Variants in CABLES1 observed in about 807,000 individuals in gnomAD.
CABLES1 encodes the protein Cdk5 and Abl enzyme substrate 1, also known as CDK5 and ABL1 enzyme substrate 1.
In CABLES1, 36 loss-of-function variants were observed where a neutral mutation model predicts 57.8. The ratio of observed to expected loss-of-function variants is 0.62; its 90% CI spans 0.48 to 0.82. The LOEUF (loss-of-function observed/expected upper bound fraction) is 0.82. CABLES1 is among the 40% of genes least tolerant of loss of function. CABLES1 has a pLI of 0.00. For synonymous variants in CABLES1, 374 were observed against 363.0 expected (o/e 1.03, Z -0.35); for missense variants, 767 against 836.6 (o/e 0.92, Z 1.03).
At chr18:23,160,259 A>G (rs1280310926) in intron 1 of CABLES1, among the ~76,000 whole-genome samples, 1 of 151,974 alleles carries the variant, frequency 6.6e-6, no homozygotes, top group Non-Finnish European at 1.5e-5. Flanking sequence ...GGCTGGTCTC[A>G]AACTCCTGAT....
intron 3 of CABLES1, among the ~76,000 whole-genome samples, chr18:23,200,834 G>T (rs774850678): frequency 6.6e-6 from 1 of 152,368 alleles, no homozygotes; most frequent in Non-Finnish European, 1.5e-5. Context: ...AGGGCCGGGT[G>T]ATTGTGAAGC....
chr18:23,138,857 A>G (rs2046839727), intron 1 of CABLES1, among the ~76,000 whole-genome samples: 1 of 152,162 alleles, frequency 6.6e-6, no homozygotes, highest in Non-Finnish European at 1.5e-5. Flanking sequence ...CCATTAGTGG[A>G]ATTCCATAGC....
chr18:23,235,871 C>T, intron 5 of CABLES1, 24 bp from the exon 6 acceptor site: 3 of 1,611,390 alleles, frequency 1.9e-6, no homozygotes, highest in Non-Finnish European at 2.5e-6. Context: ...TAATCACTGG[C>T]CTGTTTTTGT....
intron 7 of CABLES1, among the ~76,000 whole-genome samples, chr18:23,248,919 A>G (rs1452818806): frequency 6.6e-6 from 1 of 152,256 alleles, no homozygotes; most frequent in East Asian, 1.9e-4. Context: ...CATTTCAGGA[A>G]TGATCCACAA....
intron 3 of CABLES1, among the ~76,000 whole-genome samples, chr18:23,210,118 G>C (rs2047394251): frequency 6.6e-6 from 1 of 151,752 alleles, no homozygotes; most frequent in African/African-American, 2.4e-5. Flanking sequence ...AAGATGCTTT[G>C]TCCATGTGGG....
At chr18:23,243,282 A>G (rs1176732930) in intron 7 of CABLES1, among the ~76,000 whole-genome samples, 2 of 151,922 alleles carry the variant, frequency 1.3e-5, no homozygotes, top group South Asian at 2.1e-4. Context: ...TTAGAAGCAC[A>G]GTAGCTCCGC....
intron 4 of CABLES1, 84 bp from the exon 5 acceptor site, chr18:23,234,522 CTG>C (rs1351843143): frequency 4.2e-6 from 4 of 958,068 alleles, no homozygotes; most frequent in Non-Finnish European, 6.6e-6. Flanking sequence ...ATCGGTGTGA[CTG>C]TGTTGTCTCA....
intron 3 of CABLES1, among the ~76,000 whole-genome samples, chr18:23,211,286 G>T (rs1196576255): frequency 2.0e-5 from 3 of 152,216 alleles, no homozygotes; most frequent in African/African-American, 7.2e-5. Flanking sequence ...TAAGCCAGTG[G>T]AGTTTGTTCA....
At chr18:23,243,240 A>AG (rs1433638920) in intron 7 of CABLES1, among the ~76,000 whole-genome samples, 1 of 151,872 alleles carries the variant, frequency 6.6e-6, no homozygotes, top group African/African-American at 2.4e-5. Flanking sequence ...AGTTCTGAGG[A>AG]GGGGGCCTCT....
At chr18:23,161,189 A>T (rs943192546) in intron 1 of CABLES1, among the ~76,000 whole-genome samples, 3 of 152,052 alleles carry the variant, frequency 2.0e-5, no homozygotes, top group Non-Finnish European at 4.4e-5. Context: ...AGCCTGGGTG[A>T]CAGAGGGGAG....
intron 3 of CABLES1, among the ~76,000 whole-genome samples, chr18:23,203,625 C>G (rs926029842): frequency 6.6e-6 from 1 of 152,074 alleles, no homozygotes; most frequent in Non-Finnish European, 1.5e-5. Flanking sequence ...TAAATTAAGA[C>G]CTTGTTTGTG....
intron 7 of CABLES1, among the ~76,000 whole-genome samples, chr18:23,239,785 G>GAC (rs1434260401): frequency 1.3e-5 from 2 of 152,182 alleles, no homozygotes; most frequent in African/African-American, 4.8e-5. Flanking sequence ...TAAACAAGGA[G>GAC]ACAGAGCACC....
rs1272507781 is a variant in CABLES1 at position 23,135,845 on chromosome 18, T to G, written c.83T>G (p.Leu28Trp). The change falls in exon 1 of 10, where the codon TTG becomes TGG. Residue 28 changes from leucine to tryptophan, a missense_variant. Coordinates refer to ENST00000256925, the MANE Select transcript of CABLES1 (RefSeq NM_001100619.3). Reference protein sequence around the residue: ...AGTDAAGASGLQQPPPQPQPQ... With the variant: ...AGTDAAGASGWQQPPPQPQPQ... ...ACCGACGCCGCGGGCGCCAGCGGAT[T>G]GCAGCAGCCGCCGCCGCAGCCCCAG... 1 of 988,482 alleles carries G rather than the reference T, an allele frequency of 1.0e-6. No homozygotes were observed. The highest frequency in any genetic ancestry group is 1.2e-6 in the Non-Finnish European group (1 of 830,202). 61.2% of individuals were successfully genotyped at this position (988,482 alleles called of 1,614,324 possible).
chr18:23,183,681 T>C lies in CABLES1; in HGVS notation c.846-5157T>C, dbSNP rs28440786. ...ATGTCAGTGCATATTACTCTTGCTT[T>C]GAACCCTGCCAGTCTCTTACCATAT... On this transcript the variant is annotated intron_variant, in intron 1 of 9. Transcript: ENST00000256925. Among the ~76,000 whole-genome samples the C allele has an allele frequency of 9.8e-3, 1,493 of 152,336 alleles. 28 individuals carry two copies. The highest frequency in any genetic ancestry group is 0.035 in the African/African-American group (1,436 of 41,572).
chr18:23,259,736 G>T lies in CABLES1; in HGVS notation c.*2369G>T, dbSNP rs1445783296. On this transcript the variant is annotated 3_prime_UTR_variant, in exon 10 of 10. Transcript: ENST00000256925. ...TGACACGGAACATTCCAGACACGTCGCAGCCTTGGGCTTCGGCGAGGAGGA... is the reference window on the plus strand; with the variant it reads ...TGACACGGAACATTCCAGACACGTCTCAGCCTTGGGCTTCGGCGAGGAGGA... 1 of 152,214 alleles carries T rather than the reference G, an allele frequency of 6.6e-6. No individual in the cohort carries two copies. Among genetic ancestry groups the T allele is most frequent in the Non-Finnish European group, 1.5e-5 (1 of 68,054 alleles). The allele number at this position is 152,214 out of a possible 1,614,324, so 9.4% of individuals were successfully genotyped here. A position where few individuals can be genotyped will look rare whatever the true frequency, so the allele number is the denominator to read the frequency against.
At chr18:23,244,913 T>C (rs1200551301) in intron 7 of CABLES1, among the ~76,000 whole-genome samples, 3 of 152,212 alleles carry the variant, frequency 2.0e-5, no homozygotes, top group Admixed American at 6.5e-5. Context: ...CTGGGGAAAC[T>C]TGAAGACAGG....
Position 23,136,470 on chromosome 18 carries a change from T to G in CABLES1, c.708T>G (p.Ser236Arg), listed in dbSNP as rs2144941902. 1 of 1,604,190 alleles carries G rather than the reference T, an allele frequency of 6.2e-7. No homozygotes were observed. Residue 236 changes from serine to arginine, a missense_variant, in exon 1 of 10, where the codon AGT (serine) becomes AGG (arginine). Physicochemically the swap from Ser to Arg is moderately radical, Grantham distance 110. Transcript: ENST00000256925. ...GGACCCCCGGGAGTGGGAGCGGCAGTCGGGGACGCCTCAACTCGTTCACTC... is the reference window on the plus strand; with the variant it reads ...GGACCCCCGGGAGTGGGAGCGGCAGGCGGGGACGCCTCAACTCGTTCACTC... ...GSGTPGSGSG[S>R]RGRLNSFTQG...
At chr18:23,178,536 C>G (rs1444060121) in intron 1 of CABLES1, among the ~76,000 whole-genome samples, 1 of 152,224 alleles carries the variant, frequency 6.6e-6, no homozygotes, top group Non-Finnish European at 1.5e-5. Flanking sequence ...CCTCTAGACC[C>G]TTTGTCAAAA....
chr18:23,135,825 C>T lies in CABLES1; in HGVS notation c.63C>T (p.Asp21=). The part of the protein sequence containing the change: ...AACSSGSAGT[D]AAGASGLQQP... The stretch of plus-strand genomic sequence containing the variant: ...GCAGCAGCGGCAGCGCCGGCACCGA[C>T]GCCGCGGGCGCCAGCGGATTGCAGC... The change falls in exon 1 of 10, where the codon GAC becomes GAT. Residue 21 remains aspartate, a synonymous_variant. Transcript: ENST00000256925. 1 of 970,242 alleles carries T rather than the reference C, an allele frequency of 1.0e-6. No homozygotes were observed. 60.1% of individuals were successfully genotyped at this position (970,242 alleles called of 1,614,324 possible).
Sources: gnomAD v4.1 joint callset for allele counts (sites outside exome capture counted in the v4.1 genomes callset) on GRCh38, gnomAD v4.1.1 for gene constraint, MANE v1.5 for transcripts, NCBI Gene and HGNC (gene_info 2026-07-23, HGNC 2026-07-21) for gene names.